Variants in FLACC1 observed in about 807,000 individuals in gnomAD.
FLACC1 encodes flagellum-associated coiled-coil domain-containing protein 1.
Under a neutral mutation model 62.8 loss-of-function variants are expected in FLACC1, and 66 were observed. That is an observed-to-expected ratio of 1.05 (90% CI 0.86 to 1.29). The LOEUF (loss-of-function observed/expected upper bound fraction) is 1.29, where lower values mean the gene tolerates loss of function less well. FLACC1 is among the 50% of genes most tolerant of loss of function. FLACC1 has a pLI of 0.00. For missense variants in FLACC1, 452 were observed against 489.1 expected, an observed-to-expected ratio of 0.92 and a Z score of 0.71; for synonymous variants, 156 against 161.0, an observed-to-expected ratio of 0.97 and a Z score of 0.24.
upstream of FLACC1, among the ~76,000 whole-genome samples, chr2:201,358,783 A>G (rs921704481): frequency 6.6e-6 from 1 of 151,628 alleles, no homozygotes; most frequent in African/African-American, 2.4e-5. Flanking sequence ...CTGGTCTTGT[A>G]CTCCTGAATT....
chr2:201,297,078 G>A (rs1379954989), intron 12 of FLACC1, among the ~76,000 whole-genome samples: 1 of 152,150 alleles, frequency 6.6e-6, no homozygotes, highest in Non-Finnish European at 1.5e-5. Context: ...AGAAATCAAG[G>A]ATGACTTCAG....
At chr2:201,332,572 T>C (rs1950616180) in intron 7 of FLACC1, among the ~76,000 whole-genome samples, 1 of 152,170 alleles carries the variant, frequency 6.6e-6, no homozygotes, top group South Asian at 2.1e-4. Flanking sequence ...GTGAGAACAT[T>C]TGAAATTTAT....
intron 9 of FLACC1, among the ~76,000 whole-genome samples, chr2:201,312,303 C>G (rs1950231358): frequency 6.6e-6 from 1 of 152,008 alleles, no homozygotes; most frequent in South Asian, 2.1e-4. Context: ...AGGTGAGAGC[C>G]AAATCAATAA....
intron 1 of FLACC1, among the ~76,000 whole-genome samples, chr2:201,354,383 G>C (rs1427898926): frequency 6.6e-6 from 1 of 152,172 alleles, no homozygotes. Flanking sequence ...GCGTGTGCAG[G>C]GGTTGGCTGG....
In FLACC1 at chr2:201,296,331, C is replaced by T. The variant is rs185612015; in HGVS notation, c.942+2907G>A. 9.6e-3 allele frequency among the ~76,000 whole-genome samples: 1,462 copies of T among 152,022 alleles called. 31 individuals carry two copies. Among genetic ancestry groups the T allele is most frequent in the African/African-American group, 0.034 (1,401 of 41,416 alleles). ...TATATACCATGGAATACTATGCAGC[C>T]ATAAAAAATGATGAGCTCATGTCCT... On this transcript the variant is annotated intron_variant, in intron 12 of 14. Coordinates refer to ENST00000392257, the MANE Select transcript of FLACC1 (RefSeq NM_001127391.3).
intron 1 of FLACC1, among the ~76,000 whole-genome samples, chr2:201,356,745 T>G (rs1951125570): frequency 6.6e-6 from 1 of 152,216 alleles, no homozygotes; most frequent in Non-Finnish European, 1.5e-5. Flanking sequence ...CACAGATAGA[T>G]CTGCATTTAC....
chr2:201,303,996 A>T (rs1216420379), intron 11 of FLACC1, among the ~76,000 whole-genome samples: 1 of 152,212 alleles, frequency 6.6e-6, no homozygotes. Context: ...AAAAACTGGA[A>T]GCATTCCCTT....
At chr2:201,330,665 C>T in intron 8 of FLACC1, 71 bp downstream of exon 8, 1 of 1,567,920 alleles carries the variant, frequency 6.4e-7, no homozygotes, top group Non-Finnish European at 8.7e-7. Context: ...TGGAAATCAC[C>T]CTAGAAGCTT....
At position 201,289,746 on chromosome 2, in the gene FLACC1, C is replaced by G. The variant is rs773642392; in HGVS notation, c.982G>C (p.Glu328Gln). 1 of 1,614,016 alleles carries G rather than the reference C, an allele frequency of 6.2e-7. No individual in the cohort carries two copies. The highest frequency in any genetic ancestry group is 2.2e-5 in the East Asian group (1 of 44,898). Residue 328 changes from glutamate (E) to glutamine (Q), a missense_variant, in exon 13 of 15, where the codon GAG becomes CAG. Coordinates refer to ENST00000392257, the MANE Select transcript of FLACC1 (RefSeq NM_001127391.3). ...TAGTAGAGGTTTGTGTTCAGTGACTCTAGGATAAGGGCTTGTGCATGCAAT... is the reference window on the plus strand; with the variant it reads ...TAGTAGAGGTTTGTGTTCAGTGACTGTAGGATAAGGGCTTGTGCATGCAAT... The part of the protein sequence containing the change: ...EELHAQALIL[E>Q]SLNTNLYYTQ...
At chr2:201,322,484 C>T (rs532846958) in intron 9 of FLACC1, among the ~76,000 whole-genome samples, 5 of 152,060 alleles carry the variant, frequency 3.3e-5, no homozygotes, top group African/African-American at 1.2e-4. Flanking sequence ...AGTCTTCACC[C>T]CTGAAAGCAC....
At chr2:201,290,749 G>A (rs1211829168) in intron 12 of FLACC1, among the ~76,000 whole-genome samples, 4 of 152,198 alleles carry the variant, frequency 2.6e-5, no homozygotes, top group Admixed American at 1.3e-4. Flanking sequence ...CATCCGGGAA[G>A]TGCAAGGGGT....
intron 4 of FLACC1, 140 bp downstream of exon 4, chr2:201,348,114 G>T: frequency 1.3e-6 from 1 of 766,748 alleles, no homozygotes; most frequent in Non-Finnish European, 2.0e-6. Context: ...CGTGCATAAT[G>T]TGCAATATTA....
At chr2:201,338,667 C>T (rs7597639) in intron 7 of FLACC1, among the ~76,000 whole-genome samples, 13,672 of 152,088 alleles carry the variant, frequency 0.09, 705 homozygotes, top group African/African-American at 0.12. Flanking sequence ...TTGGGATGAT[C>T]ACATGATTTT....
At chr2:201,362,330 C>A (rs776476202), upstream of FLACC1, among the ~76,000 whole-genome samples, 1 of 150,766 alleles carries the variant, frequency 6.6e-6, no homozygotes, top group Non-Finnish European at 1.5e-5. Flanking sequence ...TTTAAAAAAA[C>A]AGTTTCTTTT....
intron 3 of FLACC1, 100 bp downstream of exon 3, chr2:201,350,611 G>C: frequency 1.0e-6 from 1 of 971,042 alleles, no homozygotes; most frequent in East Asian, 2.6e-5. Flanking sequence ...AGACTGGGAG[G>C]CAGAGGTTGC....
chr2:201,322,301 G>A lies in FLACC1; in HGVS notation c.675+8169C>T, dbSNP rs529044990. Among the ~76,000 whole-genome samples the A allele has an allele frequency of 2.4e-3, 365 of 151,198 alleles. 5 individuals are homozygous for A. Among genetic ancestry groups the A allele is most frequent in the African/African-American group, 8.4e-3 (347 of 41,234 alleles). On this transcript the variant is annotated intron_variant, in intron 9 of 14. Transcript: ENST00000392257. ...GAAAAAAAAAACTGGACGAAAATGC[G>A]TAAATAAAAAAGGGCATGCCACAGG...
intron 1 of FLACC1, 87 bp from the exon 2 acceptor site, chr2:201,351,538 C>T (rs1951029367): frequency 3.0e-6 from 2 of 670,300 alleles, no homozygotes; most frequent in South Asian, 3.8e-5. Context: ...CAGGGAGGAC[C>T]CAAAGAACAA....
intron 9 of FLACC1, among the ~76,000 whole-genome samples, chr2:201,314,114 G>C (rs1452796388): frequency 6.6e-6 from 1 of 151,930 alleles, no homozygotes. Flanking sequence ...CAAATGAGAA[G>C]GAACAAGAAA....
intron 3 of FLACC1, 49 bp from the exon 4 acceptor site, chr2:201,348,351 T>G: frequency 6.3e-7 from 1 of 1,597,132 alleles, no homozygotes; most frequent in South Asian, 1.1e-5. Context: ...CAAAGAGAAG[T>G]TCAAAGCTTA....
Sources: allele counts gnomAD v4.1 joint callset (sites outside exome capture counted in the v4.1 genomes callset), GRCh38; gene constraint gnomAD v4.1.1; transcripts MANE v1.5; gene names NCBI Gene and HGNC (gene_info 2026-07-23, HGNC 2026-07-21).